Variants in RWDD1 observed in about 807,000 individuals in gnomAD.
The protein encoded by RWDD1 is RWD domain containing 1, also known as RWD domain-containing protein 1.
A neutral mutation model predicts 31.6 loss-of-function variants in RWDD1; 17 were observed. That is an observed-to-expected ratio of 0.54 (90% CI 0.37 to 0.81). The LOEUF is 0.81. RWDD1 is among the 30% of genes least tolerant of loss of function. RWDD1 has a pLI of 0.00. For synonymous variants in RWDD1, 78 were observed against 94.2 expected (o/e 0.83, Z 0.99); for missense variants, 204 against 274.5 (o/e 0.74, Z 1.82).
chr6:116,580,364 A>T lies in RWDD1; in HGVS notation c.139+4A>T. The T allele has an allele frequency of 6.3e-7, 1 of 1,586,756 alleles. No individual in the cohort carries two copies. Among genetic ancestry groups the T allele is most frequent in the South Asian group, 1.1e-5 (1 of 87,510 alleles). On this transcript the variant is annotated splice_donor_region_variant and intron_variant, in intron 2 of 6. Transcript: ENST00000466444. ...GAGGCTGGAGAAAATGATGAAAGTA[A>T]GTCTTATAAAAAATACTTGTGGTTT...
In RWDD1 at chr6:116,590,357, A is replaced by G. The variant is rs763466610; in HGVS notation, c.500A>G (p.Lys167Arg). 3.7e-6 allele frequency: 6 copies of G among 1,600,054 alleles called. No homozygotes were observed. The highest frequency in any genetic ancestry group is 2.2e-5 in the East Asian group (1 of 44,454). ...GATGCAGAACTCTTGGAAATTAAAA[A>G]GAAAAGGATGAAAGAAGAAGAACAA... ...KFDAELLEIKKKRMKEEEQAG... is the reference protein window; with the variant it reads ...KFDAELLEIKRKRMKEEEQAG... The change falls in exon 5 of 7, where the codon AAG becomes AGG. Residue 167 changes from lysine to arginine, a missense_variant. Transcript: ENST00000466444.
Position 116,585,582 on chromosome 6 carries a change from A to G in RWDD1, c.270+725A>G, listed in dbSNP as rs576393516. On this transcript the variant is annotated intron_variant, in intron 3 of 6. Coordinates refer to ENST00000466444, the MANE Select transcript of RWDD1 (RefSeq NM_015952.4). ...CCTACCTTTATTTGTTTACTCTAAGAAGAATTGACAGAAAACATATCTCCA... is the reference window on the plus strand; with the variant it reads ...CCTACCTTTATTTGTTTACTCTAAGGAGAATTGACAGAAAACATATCTCCA... Among the ~76,000 whole-genome samples the G allele has an allele frequency of 2.6e-5, 4 of 152,250 alleles. No individual in the cohort carries two copies. In the South Asian group the frequency reaches 8.3e-4, roughly 32 times the overall value.
intron 3 of RWDD1, among the ~76,000 whole-genome samples, chr6:116,587,508 A>G (rs1180710702): frequency 2.6e-5 from 4 of 152,184 alleles, no homozygotes; most frequent in Non-Finnish European, 2.9e-5. Context: ...CTAAAGGGCT[A>G]CTTTCTTCTT....
In RWDD1 at chr6:116,584,740, C is replaced by G; in HGVS notation, c.153C>G (p.Thr51=). ...CTTGTGTCTTAGCTGTCCAGACTAC[C>G]CTCAAGTTTACATACAGTGAAAAAT... is the stretch of plus-strand genomic sequence containing the variant. The part of the protein sequence containing the change: ...AGENDETVQT[T]LKFTYSEKYP... Residue 51 remains threonine, a synonymous_variant, in exon 3 of 7, where the codon ACC becomes ACG. Transcript: ENST00000466444. 1 of 1,611,194 alleles carries G rather than the reference C, an allele frequency of 6.2e-7. No homozygotes were observed. Among genetic ancestry groups the G allele is most frequent in the Non-Finnish European group, 8.5e-7 (1 of 1,177,654 alleles).
In RWDD1 at chr6:116,595,493, G is replaced by A. The variant is rs528386137; in HGVS notation, c.*2392G>A. 2.0e-5 allele frequency: 3 copies of A among 152,302 alleles called. No homozygotes were observed. The highest frequency in any genetic ancestry group is 2.9e-5 in the Non-Finnish European group (2 of 68,022). 9.4% of individuals were successfully genotyped at this position (152,302 alleles called of 1,614,324 possible). A position where few individuals can be genotyped will look rare whatever the true frequency, so the allele number is the denominator to read the frequency against. The stretch of plus-strand genomic sequence containing the variant: ...TACTCTCAGGTTGCAATAGCATGAC[G>A]AGTGGTATTTGAAGCAATAATTGTT... On this transcript the variant is annotated 3_prime_UTR_variant, in exon 7 of 7. Coordinates refer to ENST00000466444, the MANE Select transcript of RWDD1 (RefSeq NM_015952.4).
At chr6:116,574,748 T>C (rs1268800560) in intron 1 of RWDD1, among the ~76,000 whole-genome samples, 3 of 140,228 alleles carry the variant, frequency 2.1e-5, no homozygotes, top group East Asian at 2.2e-4. Flanking sequence ...TCCTTCCACC[T>C]CCCCTCCCCT....
chr6:116,576,666 G>A (rs1774851500), intron 1 of RWDD1, among the ~76,000 whole-genome samples: 2 of 152,272 alleles, frequency 1.3e-5, no homozygotes, highest in South Asian at 2.1e-4. Flanking sequence ...TCAGCTTGGG[G>A]AAACAGACAT....
rs933143171 is a variant in RWDD1 at position 116,596,461 on chromosome 6, T to C, written c.*3360T>C. 7 of 152,226 alleles carry C rather than the reference T, an allele frequency of 4.6e-5. No individual in the cohort carries two copies. Among genetic ancestry groups the C allele is most frequent in the Admixed American group, 2.0e-4 (3 of 15,278 alleles). 9.4% of individuals were successfully genotyped at this position (152,226 alleles called of 1,614,324 possible). A position where few individuals can be genotyped will look rare whatever the true frequency, so the allele number is the denominator to read the frequency against. ...CACTTAAGTTACTTGTGTCAGAGGATGGATGATGGGGTCATTTAAATTGTT... is the reference window on the plus strand; with the variant it reads ...CACTTAAGTTACTTGTGTCAGAGGACGGATGATGGGGTCATTTAAATTGTT... On this transcript the variant is annotated 3_prime_UTR_variant, in exon 7 of 7. Transcript: ENST00000466444.
Position 116,571,569 on chromosome 6 carries a change from G to A in RWDD1, c.-14G>A. ...AGGTGTCTGGGCGATCTATGGGCAA[G>A]AGCAAGGGCCACGATGACAGATTAC... is the stretch of plus-strand genomic sequence containing the variant. On this transcript the variant is annotated 5_prime_UTR_variant, in exon 1 of 7. Coordinates refer to ENST00000466444, the MANE Select transcript of RWDD1 (RefSeq NM_015952.4). The A allele has an allele frequency of 1.9e-6, 3 of 1,612,698 alleles. No individual in the cohort carries two copies. Among genetic ancestry groups the A allele is most frequent in the Non-Finnish European group, 2.5e-6 (3 of 1,179,562 alleles).
intron 3 of RWDD1, 34 bp from the exon 4 acceptor site, chr6:116,588,808 G>C (rs752791216): frequency 1.5e-5 from 22 of 1,479,910 alleles, no homozygotes; most frequent in Non-Finnish European, 1.9e-5. Context: ...ATTTTTCTGA[G>C]AGTTATTCCT....
In RWDD1 at chr6:116,597,618, T is replaced by G. The variant is rs1282472878; in HGVS notation, c.*4517T>G. On this transcript the variant is annotated 3_prime_UTR_variant, in exon 7 of 7. Coordinates refer to ENST00000466444, the MANE Select transcript of RWDD1 (RefSeq NM_015952.4). ...AATAAATTGGAAACATAAAAGGTGTTTTAAGTTTAAATTTTTTTAAAAAAA... is the reference window on the plus strand; with the variant it reads ...AATAAATTGGAAACATAAAAGGTGTGTTAAGTTTAAATTTTTTTAAAAAAA... 1.3e-5 allele frequency: 2 copies of G among 152,046 alleles called. No homozygotes were observed. The highest frequency in any genetic ancestry group is 2.9e-5 in the Non-Finnish European group (2 of 67,984). 9.4% of individuals were successfully genotyped at this position (152,046 alleles called of 1,614,324 possible).
chr6:116,581,356 T>C lies in RWDD1; in HGVS notation c.139+996T>C, dbSNP rs377006079. Among the ~76,000 whole-genome samples the C allele has an allele frequency of 2.8e-3, 422 of 152,204 alleles. 17 individuals are homozygous for C. In the South Asian group the frequency reaches 0.064, roughly 23 times the overall value. On this transcript the variant is annotated intron_variant, in intron 2 of 6. Coordinates refer to ENST00000466444, the MANE Select transcript of RWDD1 (RefSeq NM_015952.4). The stretch of plus-strand genomic sequence containing the variant: ...TTCCAAAATGGTGTGGTGATGCTCA[T>C]TGATAAATAATCCAAATAAAATTTT...
Position 116,571,541 on chromosome 6 carries a change from C to G in RWDD1, c.-42C>G. On this transcript the variant is annotated 5_prime_UTR_variant, in exon 1 of 7. Coordinates refer to ENST00000466444, the MANE Select transcript of RWDD1 (RefSeq NM_015952.4). ...CAGCTGTCTGGGCTGCTGCGCGCCG[C>G]CTAGGTGTCTGGGCGATCTATGGGC... is the stretch of plus-strand genomic sequence containing the variant. The G allele has an allele frequency of 6.2e-7, 1 of 1,600,672 alleles. No homozygotes were observed. The highest frequency in any genetic ancestry group is 8.5e-7 in the Non-Finnish European group (1 of 1,173,320).
intron 1 of RWDD1, 80 bp from the exon 2 acceptor site, chr6:116,580,215 G>A (rs998961157): frequency 5.4e-6 from 5 of 927,366 alleles, no homozygotes; most frequent in Non-Finnish European, 8.2e-6. Context: ...TTCTAGGACT[G>A]GGTACTGATA....
intron 1 of RWDD1, among the ~76,000 whole-genome samples, chr6:116,579,553 A>T (rs909446808): frequency 6.6e-6 from 1 of 152,220 alleles, no homozygotes; most frequent in Non-Finnish European, 1.5e-5. Context: ...GCTCTCATAG[A>T]GTTGTTATAG....
intron 1 of RWDD1, among the ~76,000 whole-genome samples, chr6:116,575,260 A>G (rs1474168200): frequency 6.6e-6 from 1 of 151,892 alleles, no homozygotes; most frequent in African/African-American, 2.4e-5. Flanking sequence ...TAATTTTTGT[A>G]TTTTTGGTAG....
chr6:116,584,414 G>A (rs1262922304), intron 2 of RWDD1, among the ~76,000 whole-genome samples: 2 of 152,188 alleles, frequency 1.3e-5, no homozygotes, highest in East Asian at 3.8e-4. Flanking sequence ...TGTATTCAGT[G>A]CCTTTGTTTA....
chr6:116,582,414 A>T (rs964713850), intron 2 of RWDD1, among the ~76,000 whole-genome samples: 1 of 152,098 alleles, frequency 6.6e-6, no homozygotes, highest in African/African-American at 2.4e-5. Flanking sequence ...ATTCATAGAA[A>T]AGAGGAAGAA....
chr6:116,572,759 C>A, intron 1 of RWDD1: 1 of 727,108 alleles, frequency 1.4e-6, no homozygotes, highest in Non-Finnish European at 1.7e-6. Flanking sequence ...CTTATAAATT[C>A]CAACCCCTCT....
Sources: gnomAD v4.1 joint callset for allele counts (sites outside exome capture counted in the v4.1 genomes callset) on GRCh38, gnomAD v4.1.1 for gene constraint, MANE v1.5 for transcripts, NCBI Gene and HGNC (gene_info 2026-07-23, HGNC 2026-07-21) for gene names.